LYPD6: variants seen among roughly 807,000 people sequenced by gnomAD.
The protein encoded by LYPD6 is ly6/PLAUR domain-containing protein 6.
Under a neutral mutation model 22.7 loss-of-function variants are expected in LYPD6, and 15 were observed. That is an observed-to-expected ratio of 0.66 (90% CI 0.44 to 1.02). LYPD6 has a LOEUF of 1.02. LYPD6 is among the 50% of genes least tolerant of loss of function. The pLI, the probability that LYPD6 is intolerant of heterozygous loss-of-function variation, is 0.00. For synonymous variants in LYPD6, 72 were observed against 77.5 expected (o/e 0.93, Z 0.37); for missense variants, 189 against 208.4 (o/e 0.91, Z 0.57).
chr2:149,394,349 A>G (rs1682380147), intron 1 of LYPD6, among the ~76,000 whole-genome samples: 1 of 152,180 alleles, frequency 6.6e-6, no homozygotes, highest in South Asian at 2.1e-4. Flanking sequence ...TGAAAATAGT[A>G]GTAAAAGTAG....
At chr2:149,447,509 G>A (rs1317574979) in intron 2 of LYPD6, among the ~76,000 whole-genome samples, 3 of 152,164 alleles carry the variant, frequency 2.0e-5, no homozygotes, top group African/African-American at 7.2e-5. Flanking sequence ...ACATGGGTCC[G>A]AAAGGCACCT....
intron 2 of LYPD6, among the ~76,000 whole-genome samples, chr2:149,447,190 A>G (rs1683708246): frequency 6.6e-6 from 1 of 152,242 alleles, no homozygotes. Flanking sequence ...GCACATCAGT[A>G]GTAAGGACAA....
In LYPD6 at chr2:149,468,769, C is replaced by T. The variant is rs775466077; in HGVS notation, c.342C>T (p.Gly114=). 1.2e-6 allele frequency: 2 copies of T among 1,613,318 alleles called. No homozygotes were observed. The highest frequency in any genetic ancestry group is 2.2e-5 in the East Asian group (1 of 44,856). The change falls in exon 4 of 5, where the codon GGC becomes GGT. Residue 114 remains glycine, a synonymous_variant. Transcript: ENST00000334166. ...GCTGCAGAGACTCCGAGCATGAAGG[C>T]CACAAGGTCTGGGCAACAGAGCAAG... ...STGCRDSEHE[G]HKVCTSCCEG...
chr2:149,478,415 T>TG (rs1681475546), downstream of LYPD6, among the ~76,000 whole-genome samples: 1 of 139,944 alleles, frequency 7.1e-6, no homozygotes, highest in Non-Finnish European at 1.5e-5. Context: ...CACGCATGTG[T>TG]GGTTTTTTTT....
At chr2:149,411,231 G>T (rs1478051736) in intron 1 of LYPD6, among the ~76,000 whole-genome samples, 2 of 152,156 alleles carry the variant, frequency 1.3e-5, no homozygotes, top group East Asian at 1.9e-4. Flanking sequence ...CACTGGCTAA[G>T]CCGTAAAATC....
intron 1 of LYPD6, among the ~76,000 whole-genome samples, chr2:149,399,672 A>G (rs1682508759): frequency 6.7e-6 from 1 of 150,148 alleles, no homozygotes; most frequent in Non-Finnish European, 1.5e-5. Flanking sequence ...GAAAAAAACC[A>G]AATAAAATAT....
chr2:149,396,997 CTATAT>C (rs1682440814), intron 1 of LYPD6, among the ~76,000 whole-genome samples: 1 of 152,130 alleles, frequency 6.6e-6, no homozygotes, highest in Non-Finnish European at 1.5e-5. Flanking sequence ...TAAATCATTT[CTATAT>C]TATAATACCT....
chr2:149,447,815 AT>A (rs1395335221), intron 2 of LYPD6, among the ~76,000 whole-genome samples: 1 of 152,208 alleles, frequency 6.6e-6, no homozygotes, highest in Non-Finnish European at 1.5e-5. Flanking sequence ...TATTGAGATA[AT>A]TTTAAAGTCA....
chr2:149,467,214 A>G (rs1009513730), intron 3 of LYPD6, among the ~76,000 whole-genome samples: 3 of 152,204 alleles, frequency 2.0e-5, no homozygotes, highest in Non-Finnish European at 4.4e-5. Context: ...AGAGCTCCAT[A>G]GGACCCTGGG....
chr2:149,456,929 T>G (rs928073678), intron 3 of LYPD6, among the ~76,000 whole-genome samples: 1 of 152,202 alleles, frequency 6.6e-6, no homozygotes, highest in Non-Finnish European at 1.5e-5. Context: ...TCACTCAATA[T>G]TATGTGAGAT....
intron 1 of LYPD6, among the ~76,000 whole-genome samples, chr2:149,388,970 A>C (rs1474148946): frequency 6.6e-6 from 1 of 152,202 alleles, no homozygotes; most frequent in Non-Finnish European, 1.5e-5. Flanking sequence ...TAGTTGCCCA[A>C]CAAAATAGGT....
At chr2:149,379,424 A>T (rs1432388863) in intron 1 of LYPD6, among the ~76,000 whole-genome samples, 2 of 152,216 alleles carry the variant, frequency 1.3e-5, no homozygotes, top group African/African-American at 2.4e-5. Context: ...TAAGAAAAAA[A>T]TTTTAAAAGT....
rs183639469 is a variant in LYPD6 at position 149,461,087 on chromosome 2, A to G, written c.218-7558A>G. On this transcript the variant is annotated intron_variant, in intron 3 of 4. Transcript: ENST00000334166. ...GAAAAAGGAAGAGAAAAACAAACCA[A>G]AAGTCAAACAAAGCAAGACTAAGCA... 3.2e-3 allele frequency among the ~76,000 whole-genome samples: 489 copies of G among 152,134 alleles called. 2 individuals are homozygous for G. Among genetic ancestry groups the G allele is most frequent in the African/African-American group, 0.011 (459 of 41,562 alleles).
Position 149,470,754 on chromosome 2 carries a change from T to C in LYPD6, c.420T>C (p.Phe140=), listed in dbSNP as rs1356526315. Reference sequence around the variant, plus strand: ...CCCGAAATGAAACTGATGCCACATTTGCCACGACGTCACCTATAAATCAGA... The same window carrying C: ...CCCGAAATGAAACTGATGCCACATTCGCCACGACGTCACCTATAAATCAGA... The part of the protein sequence containing the change: ...PLPRNETDAT[F]ATTSPINQTN... Residue 140 remains phenylalanine (F), a synonymous_variant, in exon 5 of 5, where the codon TTT becomes TTC. Coordinates refer to ENST00000334166, the MANE Select transcript of LYPD6 (RefSeq NM_194317.5). 4 of 1,613,782 alleles carry C rather than the reference T, an allele frequency of 2.5e-6. No individual in the cohort carries two copies. The highest frequency in any genetic ancestry group is 3.4e-6 in the Non-Finnish European group (4 of 1,179,840).
chr2:149,379,128 A>G (rs1041536943), intron 1 of LYPD6, among the ~76,000 whole-genome samples: 1 of 152,190 alleles, frequency 6.6e-6, no homozygotes, highest in Non-Finnish European at 1.5e-5. Flanking sequence ...TCAAGCAGGC[A>G]GGAGGGCTGT....
chr2:149,407,763 G>C (rs953157253), intron 1 of LYPD6, among the ~76,000 whole-genome samples: 5 of 152,136 alleles, frequency 3.3e-5, no homozygotes, highest in Non-Finnish European at 7.3e-5. Flanking sequence ...CAGCTTTGTT[G>C]CATTGCTGGT....
At chr2:149,457,601 G>A (rs779865839) in intron 3 of LYPD6, among the ~76,000 whole-genome samples, 1 of 152,122 alleles carries the variant, frequency 6.6e-6, no homozygotes, top group Non-Finnish European at 1.5e-5. Flanking sequence ...CAGTGACATT[G>A]GCATCTAGTG....
At chr2:149,459,525 T>C (rs575407975) in intron 3 of LYPD6, among the ~76,000 whole-genome samples, 18 of 152,374 alleles carry the variant, frequency 1.2e-4, no homozygotes, top group African/African-American at 4.3e-4. Flanking sequence ...TCTTGAGTTT[T>C]CTGAATTATG....
At chr2:149,446,844 C>CA (rs1447686610) in intron 2 of LYPD6, among the ~76,000 whole-genome samples, 1 of 152,214 alleles carries the variant, frequency 6.6e-6, no homozygotes, top group African/African-American at 2.4e-5. Flanking sequence ...GGATGGGCAG[C>CA]TATTCTCGGC....
Sources: allele counts gnomAD v4.1 joint callset (sites outside exome capture counted in the v4.1 genomes callset), GRCh38; gene constraint gnomAD v4.1.1; transcripts MANE v1.5; gene names NCBI Gene and HGNC (gene_info 2026-07-23, HGNC 2026-07-21).